The following C1orf21 variants were observed in gnomAD, a reference collection of about 807,000 sequenced individuals.
C1orf21 encodes the protein chromosome 1 open reading frame 21.
Under a neutral mutation model 18.7 loss-of-function variants are expected in C1orf21, and 3 were observed. That is an observed-to-expected ratio of 0.16 (90% CI 0.07 to 0.42). The LOEUF is 0.42. Among genes scored for constraint, C1orf21 ranks in the 10% least tolerant of loss-of-function variants. The pLI is 0.99. For missense variants in C1orf21, 104 were observed against 143.6 expected (o/e 0.72, Z 1.41); for synonymous variants, 41 against 46.4 (o/e 0.88, Z 0.47).
intron 4 of C1orf21, among the ~76,000 whole-genome samples, chr1:184,591,901 G>A (rs1571293181): frequency 6.6e-6 from 1 of 152,058 alleles, no homozygotes; most frequent in Admixed American, 6.6e-5. Flanking sequence ...GTGCCTATAG[G>A]TACACATATC....
chr1:184,595,353 C>A (rs148029456), intron 4 of C1orf21, among the ~76,000 whole-genome samples: 2 of 152,162 alleles, frequency 1.3e-5, no homozygotes, highest in African/African-American at 4.8e-5. Flanking sequence ...TCATCTCCCC[C>A]ACTCACAATC....
intron 1 of C1orf21, among the ~76,000 whole-genome samples, chr1:184,436,074 A>G (rs938719365): frequency 6.6e-6 from 1 of 152,100 alleles, no homozygotes; most frequent in Admixed American, 6.5e-5. Flanking sequence ...GACGTGTGGG[A>G]GAAAATGATC....
At chr1:184,515,158 G>A (rs1658204998) in intron 3 of C1orf21, among the ~76,000 whole-genome samples, 1 of 152,150 alleles carries the variant, frequency 6.6e-6, no homozygotes, top group African/African-American at 2.4e-5. Flanking sequence ...CTATTTTCCT[G>A]TTACTTTTAT....
intron 4 of C1orf21, among the ~76,000 whole-genome samples, chr1:184,595,869 G>A (rs986549133): frequency 6.6e-6 from 1 of 152,114 alleles, no homozygotes; most frequent in African/African-American, 2.4e-5. Context: ...CTTCTTCGTG[G>A]GTTATGAAAT....
At position 184,571,186 on chromosome 1, in the gene C1orf21, A is replaced by G. The variant is rs1170257952; in HGVS notation, c.190-19553A>G. 3.3e-5 allele frequency among the ~76,000 whole-genome samples: 5 copies of G among 149,996 alleles called. No homozygotes were observed. In the East Asian group the frequency reaches 9.9e-4, roughly 30 times the overall value. On this transcript the variant is annotated intron_variant, in intron 3 of 5. Coordinates refer to ENST00000235307, the MANE Select transcript of C1orf21 (RefSeq NM_030806.4). ...GTGGCGGGCGCCTGTAGTCCCAGCT[A>G]CTTGGGAGGCTGAGGCAGGAGAATG...
At chr1:184,402,157 A>G (rs1361618715) in intron 1 of C1orf21, among the ~76,000 whole-genome samples, 1 of 152,226 alleles carries the variant, frequency 6.6e-6, no homozygotes, top group Non-Finnish European at 1.5e-5. Flanking sequence ...TTCCTCGGTC[A>G]CACTATCTAT....
intron 3 of C1orf21, among the ~76,000 whole-genome samples, chr1:184,510,484 G>A (rs148263681): frequency 5.9e-4 from 90 of 152,308 alleles, no homozygotes; most frequent in African/African-American, 1.4e-3. Context: ...CAGAGAACTC[G>A]TCTATTGGGG....
chr1:184,523,743 A>G (rs1011772819), intron 3 of C1orf21, among the ~76,000 whole-genome samples: 7 of 152,194 alleles, frequency 4.6e-5, no homozygotes, highest in Non-Finnish European at 1.0e-4. Flanking sequence ...TTTAAGGTAT[A>G]AAATTTGTTT....
chr1:184,533,678 A>C (rs1222238632), intron 3 of C1orf21, among the ~76,000 whole-genome samples: 1 of 152,198 alleles, frequency 6.6e-6, no homozygotes, highest in East Asian at 1.9e-4. Context: ...AGTTCTGTAT[A>C]CCTTTCCCAA....
At chr1:184,501,437 G>A (rs1047355319) in intron 2 of C1orf21, among the ~76,000 whole-genome samples, 5 of 151,950 alleles carry the variant, frequency 3.3e-5, no homozygotes, top group Admixed American at 1.3e-4. Flanking sequence ...GATATATCAC[G>A]TCCTCCAAGA....
intron 1 of C1orf21, among the ~76,000 whole-genome samples, chr1:184,449,270 G>A (rs570100908): frequency 3.5e-5 from 5 of 144,704 alleles, no homozygotes; most frequent in South Asian, 2.2e-4. Flanking sequence ...TCATTGTTCA[G>A]TTCCCACCTA....
intron 2 of C1orf21, among the ~76,000 whole-genome samples, chr1:184,504,056 A>G (rs539427931): frequency 1.3e-5 from 2 of 152,278 alleles, no homozygotes; most frequent in East Asian, 1.9e-4. Context: ...GATCAATGCC[A>G]CTGAACAATC....
chr1:184,531,901 A>C (rs1459732029), intron 3 of C1orf21, among the ~76,000 whole-genome samples: 1 of 152,174 alleles, frequency 6.6e-6, no homozygotes, highest in Non-Finnish European at 1.5e-5. Context: ...CCCAATGTTT[A>C]TCTCTTAAAC....
intron 5 of C1orf21, among the ~76,000 whole-genome samples, chr1:184,613,870 A>C (rs922620931): frequency 2.6e-5 from 4 of 151,918 alleles, no homozygotes; most frequent in Non-Finnish European, 5.9e-5. Context: ...GTTTCTCCCT[A>C]GGGCAACTAC....
chr1:184,458,576 A>G (rs866062958), intron 1 of C1orf21, among the ~76,000 whole-genome samples: 13 of 152,306 alleles, frequency 8.5e-5, no homozygotes, highest in Middle Eastern at 6.8e-3. Context: ...CAACTCTACT[A>G]TAATTTGAAA....
chr1:184,519,451 A>T (rs1658274969), intron 3 of C1orf21, among the ~76,000 whole-genome samples: 1 of 152,224 alleles, frequency 6.6e-6, no homozygotes, highest in Non-Finnish European at 1.5e-5. Context: ...TTTGATCTAC[A>T]TGGTCATTTT....
intron 1 of C1orf21, among the ~76,000 whole-genome samples, chr1:184,410,139 A>G (rs550126318): frequency 1.3e-5 from 2 of 152,350 alleles, no homozygotes; most frequent in African/African-American, 4.8e-5. Context: ...AAAAAGAACT[A>G]TATTAGATAA....
At chr1:184,389,656 T>C (rs1655939127) in intron 1 of C1orf21, among the ~76,000 whole-genome samples, 1 of 152,256 alleles carries the variant, frequency 6.6e-6, no homozygotes, top group African/African-American at 2.4e-5. Context: ...AAGTGAATCA[T>C]GCCTCAGTAC....
intron 3 of C1orf21, among the ~76,000 whole-genome samples, chr1:184,533,174 A>C (rs1557995888): frequency 6.6e-6 from 1 of 151,898 alleles, no homozygotes; most frequent in Non-Finnish European, 1.5e-5. Context: ...AGCTCTGGCC[A>C]AGCTCCTTCC....
Sources: allele counts gnomAD v4.1 joint callset (sites outside exome capture counted in the v4.1 genomes callset), GRCh38; gene constraint gnomAD v4.1.1; transcripts MANE v1.5; gene names NCBI Gene and HGNC (gene_info 2026-07-23, HGNC 2026-07-21).